Variants in BRIX1 observed in about 807,000 individuals in gnomAD.
The protein encoded by BRIX1 is ribosome biogenesis protein BRX1 homolog.
A neutral mutation model predicts 44.0 loss-of-function variants in BRIX1; 15 were observed. The observed-to-expected ratio is 0.34, with a 90% CI of 0.23 to 0.53. The LOEUF is 0.53. Among genes scored for constraint, BRIX1 ranks in the 20% least tolerant of loss-of-function variants. The pLI is 0.95. For missense variants in BRIX1, 420 were observed against 432.8 expected, an observed-to-expected ratio of 0.97 and a Z score of 0.26; for synonymous variants, 149 against 135.4, an observed-to-expected ratio of 1.10 and a Z score of -0.70.
intron 8 of BRIX1, chr5:34,923,498 A>G (rs866923947): frequency 9.6e-6 from 4 of 414,828 alleles, no homozygotes; most frequent in Non-Finnish European, 1.8e-5. Context: ...GGCTGGTCTC[A>G]AACTCCTGAC....
intron 2 of BRIX1, 62 bp from the exon 3 acceptor site, chr5:34,919,778 G>A (rs1764201023): frequency 1.8e-6 from 1 of 542,782 alleles, no homozygotes; most frequent in South Asian, 2.8e-5. Context: ...TATGTGGTTT[G>A]ATTGAAATAA....
chr5:34,916,027 A>G, intron 1 of BRIX1, 130 bp downstream of exon 1: 1 of 1,105,158 alleles, frequency 9.0e-7, no homozygotes, highest in East Asian at 2.9e-5. Flanking sequence ...CGGTTTTAGC[A>G]ATTCTCCCGG....
At position 34,915,751 on chromosome 5, in the gene BRIX1, A is replaced by C. The variant is rs41270681; in HGVS notation, c.13A>C (p.Lys5Gln). The C allele has an allele frequency of 1.9e-6, 3 of 1,603,608 alleles. No individual in the cohort carries two copies. Among genetic ancestry groups the C allele is most frequent in the South Asian group, 2.2e-5 (2 of 89,566 alleles). MAAT[K>Q]RKRRGGFAVQ... ...GCGGCGAGGCAAGATGGCGGCAACC[A>C]AGAGGAAACGGCGTGGAGGCTTTGC... Residue 5 changes from lysine to glutamine, a missense_variant, in exon 1 of 10, where the codon AAG (lysine) becomes CAG (glutamine). By Grantham distance (53) the Lys-to-Gln change is moderately conservative (BLOSUM62 1). Transcript: ENST00000336767.
At chr5:34,921,712 C>G (rs921483881) in intron 3 of BRIX1, 1 of 152,406 alleles carries the variant, frequency 6.6e-6, no homozygotes, top group Non-Finnish European at 1.5e-5. Context: ...TCAAGACCAG[C>G]CAGACCAACA....
At position 34,918,477 on chromosome 5, in the gene BRIX1, T is replaced by TG. The variant is rs749168779; in HGVS notation, c.271+3dup. ...TGTTGATGCCTCATTCTAAAGCAGGTGCCTTTATATCATATACTTTAGAAA... is the reference window on the plus strand; with the variant it reads ...TGTTGATGCCTCATTCTAAAGCAGGTGGCCTTTATATCATATACTTTAGAAA... On this transcript the variant is annotated splice_region_variant and intron_variant, in intron 2 of 9. Transcript: ENST00000336767. 1 of 1,557,884 alleles carries TG rather than the reference T, an allele frequency of 6.4e-7. No homozygotes were observed. The highest frequency in any genetic ancestry group is 1.8e-5 in the Admixed American group (1 of 54,666).
chr5:34,922,804 C>A (rs758760865), intron 6 of BRIX1, 36 bp downstream of exon 6: 2 of 1,569,370 alleles, frequency 1.3e-6, no homozygotes, highest in Non-Finnish European at 1.8e-6. Context: ...GTCTAATTTT[C>A]TTATCTGGCA....
intron 1 of BRIX1, chr5:34,916,111 C>A: frequency 2.1e-6 from 1 of 480,258 alleles, no homozygotes; most frequent in African/African-American, 2.0e-5. Flanking sequence ...GGTTTTAAAA[C>A]CTTTACCCGG....
In BRIX1 at chr5:34,925,567, TA is replaced by T; in HGVS notation, c.*73del. ...GTATTCAATGTGTAAATACTTTTAT[TA>T]TCTAATACTATCTTACGTCTAATTA... On this transcript the variant is annotated 3_prime_UTR_variant, in exon 10 of 10. Transcript: ENST00000336767. The T allele has an allele frequency of 7.9e-7, 1 of 1,260,202 alleles. No homozygotes were observed. Among genetic ancestry groups the T allele is most frequent in the Non-Finnish European group, 1.1e-6 (1 of 920,224 alleles). 78.1% of individuals were successfully genotyped at this position (1,260,202 alleles called of 1,614,324 possible). A position where few individuals can be genotyped will look rare whatever the true frequency, so the allele number is the denominator to read the frequency against.
intron 3 of BRIX1, chr5:34,920,633 T>C (rs986107504): frequency 6.6e-6 from 1 of 152,194 alleles, no homozygotes; most frequent in African/African-American, 2.4e-5. Context: ...AAGCAGGTTA[T>C]AGGTTTTGGA....
rs1764337467 is a variant in BRIX1, at chr5:34,924,887, G to A, written c.704G>A (p.Arg235His). 5 of 1,607,700 alleles carry A rather than the reference G, an allele frequency of 3.1e-6. No individual in the cohort carries two copies. The highest frequency in any genetic ancestry group is 2.7e-5 in the African/African-American group (2 of 74,772). The change falls in exon 9 of 10, where the codon CGT becomes CAT. Residue 235 changes from arginine (R) to histidine (H), a missense_variant. Physicochemically the swap from Arg to His is conservative, Grantham distance 29. Coordinates refer to ENST00000336767, the MANE Select transcript of BRIX1 (RefSeq NM_018321.4). ...EDAALVEIGP[R>H]FVLNLIKIFQ... is the part of the protein sequence containing the mutation. The stretch of plus-strand genomic sequence containing the variant: ...GCTGCTCTTGTAGAAATAGGACCTC[G>A]TTTTGTCTTAAATCTCATAAAGATT...
chr5:34,919,609 A>G (rs1030673124), intron 2 of BRIX1, among the ~76,000 whole-genome samples: 8 of 152,200 alleles, frequency 5.3e-5, no homozygotes, highest in Non-Finnish European at 1.0e-4. Flanking sequence ...TGCTTACACT[A>G]TAATTTCTAA....
At position 34,924,984 on chromosome 5, in the gene BRIX1, T is replaced by G. The variant is rs762005135; in HGVS notation, c.792+9T>G. On this transcript the variant is annotated intron_variant, in intron 9 of 9. Coordinates refer to ENST00000336767, the MANE Select transcript of BRIX1 (RefSeq NM_018321.4). ...ACCAGTCACCAAACATGGTAAGCGGTTGTGTCATTCAGTAGTCTTCAATGT... is the reference window on the plus strand; with the variant it reads ...ACCAGTCACCAAACATGGTAAGCGGGTGTGTCATTCAGTAGTCTTCAATGT... The G allele has an allele frequency of 2.5e-6, 4 of 1,611,998 alleles. No homozygotes were observed. In the East Asian group the frequency reaches 8.9e-5, roughly 36 times the overall value.
At position 34,919,821 on chromosome 5, in the gene BRIX1, CTT is replaced by C. The variant is rs759304504; in HGVS notation, c.272-12_272-11del. 3 of 866,588 alleles carry C rather than the reference CTT, an allele frequency of 3.5e-6. No individual in the cohort carries two copies. The highest frequency in any genetic ancestry group is 5.2e-6 in the Non-Finnish European group (3 of 576,684). The allele number at this position is 866,588 out of a possible 1,614,324, so 53.7% of individuals were successfully genotyped here. A position where few individuals can be genotyped will look rare whatever the true frequency, so the allele number is the denominator to read the frequency against. ...ATCACCTTTAATTTACTTGCTTTTTCTTTTTTTTCTTTTTCTAGATACTAAAA... is the reference window on the plus strand; with the variant it reads ...ATCACCTTTAATTTACTTGCTTTTTCTTTTTTCTTTTTCTAGATACTAAAA... On this transcript the variant is annotated splice_polypyrimidine_tract_variant and intron_variant, in intron 2 of 9. Transcript: ENST00000336767.
chr5:34,922,536 C>A lies in BRIX1; in HGVS notation c.387-3C>A. 6.3e-7 allele frequency: 1 copy of A among 1,596,532 alleles called. No homozygotes were observed. The highest frequency in any genetic ancestry group is 8.6e-7 in the Non-Finnish European group (1 of 1,164,726). Reference sequence around the variant, plus strand: ...TTGAAAAAGCTTACTCCATATCTTTCAGGCTTTCAAATTCACCTCACGGAC... The same window carrying A: ...TTGAAAAAGCTTACTCCATATCTTTAAGGCTTTCAAATTCACCTCACGGAC... On this transcript the variant is annotated splice_polypyrimidine_tract_variant and splice_region_variant and intron_variant, in intron 4 of 9. Coordinates refer to ENST00000336767, the MANE Select transcript of BRIX1 (RefSeq NM_018321.4).
intron 8 of BRIX1, among the ~76,000 whole-genome samples, chr5:34,924,370 G>T (rs1030681063): frequency 2.0e-5 from 3 of 152,174 alleles, no homozygotes; most frequent in Admixed American, 6.5e-5. Context: ...ATAAATATTT[G>T]TTGTTCGGAA....
chr5:34,925,171 T>C, intron 9 of BRIX1, 55 bp from the exon 10 acceptor site: 1 of 1,486,860 alleles, frequency 6.7e-7, no homozygotes, highest in Non-Finnish European at 9.0e-7. Flanking sequence ...CTTTGCCTTA[T>C]ATAAAATGTT....
chr5:34,915,933 G>A (rs575499286), intron 1 of BRIX1, 36 bp downstream of exon 1: 8 of 1,499,240 alleles, frequency 5.3e-6, no homozygotes, highest in Admixed American at 5.1e-5. Context: ...ACCTGCGGCG[G>A]CGGCTCTGTG....
chr5:34,921,110 G>C (rs1343037341), intron 3 of BRIX1: 2 of 152,150 alleles, frequency 1.3e-5, no homozygotes, highest in African/African-American at 2.4e-5. Context: ...CAAAGTGCTG[G>C]GGTTATAGGC....
At chr5:34,918,749 G>A in intron 2 of BRIX1, 1 of 258,844 alleles carries the variant, frequency 3.9e-6, no homozygotes, top group Non-Finnish European at 7.2e-6. Context: ...TAATGCTTCT[G>A]AAGGTCCTGA....
Sources: gnomAD v4.1 joint callset for allele counts (sites outside exome capture counted in the v4.1 genomes callset) on GRCh38, gnomAD v4.1.1 for gene constraint, MANE v1.5 for transcripts, NCBI Gene and HGNC (gene_info 2026-07-23, HGNC 2026-07-21) for gene names.